Variants in CD109 observed in about 807,000 individuals in gnomAD.
The protein encoded by CD109 is CD109 antigen.
Under a neutral mutation model 165.8 loss-of-function variants are expected in CD109, and 149 were observed. The observed-to-expected ratio is 0.90, with a 90% CI of 0.79 to 1.03. The LOEUF is 1.03. Ranked by LOEUF, CD109 falls within the 50% of genes least tolerant of loss-of-function variation. The pLI is 0.00. For missense variants in CD109, 1,712 were observed against 1,677.8 expected, an observed-to-expected ratio of 1.02 and a Z score of -0.36; for synonymous variants, 585 against 592.1, an observed-to-expected ratio of 0.99 and a Z score of 0.18.
At chr6:73,795,888 C>T (rs138847496) in intron 23 of CD109, among the ~76,000 whole-genome samples, 4 of 152,208 alleles carry the variant, frequency 2.6e-5, no homozygotes, top group Non-Finnish European at 5.9e-5. Flanking sequence ...AAAGAACCCA[C>T]GTGGTAGGGT....
intron 4 of CD109, among the ~76,000 whole-genome samples, chr6:73,733,153 A>C (rs1582075895): frequency 6.6e-6 from 1 of 152,182 alleles, no homozygotes; most frequent in Admixed American, 6.5e-5. Context: ...GATATTTTCT[A>C]CATCTTTCAG....
chr6:73,815,133 T>C lies in CD109; in HGVS notation c.3911+10T>C. On this transcript the variant is annotated intron_variant, in intron 30 of 32. Coordinates refer to ENST00000287097, the MANE Select transcript of CD109 (RefSeq NM_133493.5). ...TGAATGTGTGTACAAGGTAAGTGTC[T>C]GCTTAGGTCTCTCTTCTTTTTTTCC... 1 of 1,554,648 alleles carries C rather than the reference T, an allele frequency of 6.4e-7. No individual in the cohort carries two copies. The highest frequency in any genetic ancestry group is 8.6e-7 in the Non-Finnish European group (1 of 1,160,584).
chr6:73,739,620 G>A (rs576504680), intron 5 of CD109, among the ~76,000 whole-genome samples: 152 of 152,162 alleles, frequency 1.0e-3, no homozygotes, highest in Admixed American at 6.5e-4. Flanking sequence ...AAGCCGAGGC[G>A]GGCGGATCAC....
the CD109 span, among the ~76,000 whole-genome samples, chr6:73,682,339 A>G: frequency 1.3e-5 from 2 of 152,244 alleles, no homozygotes; most frequent in Admixed American, 1.3e-4. Context: ...TACACGTCCC[A>G]TGCAAGTCCA....
At chr6:73,687,942 TGA>T in the CD109 span, among the ~76,000 whole-genome samples, 3 of 152,238 alleles carry the variant, frequency 2.0e-5, no homozygotes, top group East Asian at 3.8e-4. Flanking sequence ...GGTGTGATTT[TGA>T]GGTTGTTTCT....
In CD109 at chr6:73,827,886, G is replaced by A. The variant is rs1043577059; in HGVS notation, c.*4253G>A. On this transcript the variant is annotated 3_prime_UTR_variant, in exon 33 of 33. Coordinates refer to ENST00000287097, the MANE Select transcript of CD109 (RefSeq NM_133493.5). ...ATATTTAAGAATCATTCTATCTTAT[G>A]TTGTCTTGAGGCCAAGATTTACCAC... The A allele has an allele frequency of 1.9e-5, 3 of 154,310 alleles. No homozygotes were observed. The highest frequency in any genetic ancestry group is 4.4e-5 in the Non-Finnish European group (3 of 68,196). The allele number at this position is 154,310 out of a possible 1,614,324, so 9.6% of individuals were successfully genotyped here.
chr6:73,689,881 T>C, the CD109 span, among the ~76,000 whole-genome samples: 1 of 152,216 alleles, frequency 6.6e-6, no homozygotes, highest in African/African-American at 2.4e-5. Flanking sequence ...ATGTTACAAA[T>C]GTGAAAAACA....
upstream of CD109, chr6:73,696,132 T>C: frequency 7.6e-7 from 1 of 1,321,472 alleles, no homozygotes; most frequent in Non-Finnish European, 1.0e-6. Context: ...GGAAAAAAAA[T>C]CAGGGAGGAG....
intron 22 of CD109, among the ~76,000 whole-genome samples, chr6:73,790,634 G>A (rs1249297968): frequency 1.3e-5 from 2 of 152,140 alleles, no homozygotes; most frequent in East Asian, 3.9e-4. Flanking sequence ...AGGAGCTGAT[G>A]ATGTAAATCC....
intron 6 of CD109, among the ~76,000 whole-genome samples, chr6:73,757,711 A>C (rs1247566568): frequency 6.6e-6 from 1 of 152,240 alleles, no homozygotes; most frequent in East Asian, 1.9e-4. Context: ...ATTAATAACC[A>C]TTTTTAAATT....
chr6:73,741,804 G>T (rs1476462088), intron 5 of CD109, among the ~76,000 whole-genome samples: 1 of 152,084 alleles, frequency 6.6e-6, no homozygotes, highest in East Asian at 1.9e-4. Flanking sequence ...CTGAGTAGCT[G>T]GGATTACAGG....
chr6:73,779,128 A>G (rs1774373590), intron 15 of CD109, among the ~76,000 whole-genome samples: 1 of 152,072 alleles, frequency 6.6e-6, no homozygotes, highest in South Asian at 2.1e-4. Context: ...TTCTGTCTTT[A>G]TGAATTTACC....
chr6:73,755,192 G>A (rs906915871), intron 5 of CD109, among the ~76,000 whole-genome samples: 1 of 152,278 alleles, frequency 6.6e-6, no homozygotes, highest in African/African-American at 2.4e-5. Flanking sequence ...AATCAAATAC[G>A]TGTAATTTAT....
chr6:73,738,233 A>G (rs1413057224), intron 5 of CD109, among the ~76,000 whole-genome samples: 1 of 152,224 alleles, frequency 6.6e-6, no homozygotes, highest in African/African-American at 2.4e-5. Flanking sequence ...TCTGTCTCCC[A>G]TGGTCTGCTC....
chr6:73,697,289 T>C, intron 1 of CD109, 111 bp from the exon 2 acceptor site: 1 of 877,920 alleles, frequency 1.1e-6, no homozygotes, highest in East Asian at 2.5e-5. Context: ...CGGAAACAAC[T>C]GCAATTGGCG....
intron 2 of CD109, among the ~76,000 whole-genome samples, chr6:73,717,243 G>C (rs1355525860): frequency 2.7e-5 from 4 of 150,066 alleles, no homozygotes; most frequent in Admixed American, 1.3e-4. Context: ...TTCTCAGTAT[G>C]GCTTTGGCTA....
At chr6:73,739,678 C>T (rs2150191885) in intron 5 of CD109, among the ~76,000 whole-genome samples, 1 of 152,026 alleles carries the variant, frequency 6.6e-6, no homozygotes, top group South Asian at 2.1e-4. Context: ...GAAACCCCGT[C>T]TCTACTAAAA....
At position 73,783,820 on chromosome 6, in the gene CD109, T is replaced by G; in HGVS notation, c.2219T>G (p.Val740Gly). The G allele has an allele frequency of 3.2e-6, 5 of 1,546,140 alleles. No individual in the cohort carries two copies. Among genetic ancestry groups the G allele is most frequent in the Non-Finnish European group, 4.5e-6 (5 of 1,120,196 alleles). Residue 740 changes from valine to glycine, a missense_variant, in exon 19 of 33, where the codon GTG (valine) becomes GGG (glycine). Coordinates refer to ENST00000287097, the MANE Select transcript of CD109 (RefSeq NM_133493.5). ...DLGLGLTTTP[V>G]ELQAFQPFFI... ...GGTCTTGGACTAACAACTACTCCAG[T>G]GGAGGTATTGTATTAAAGAGCTGCT...
chr6:73,724,007 C>A (rs562144130), intron 3 of CD109, among the ~76,000 whole-genome samples: 1 of 152,128 alleles, frequency 6.6e-6, no homozygotes, highest in Non-Finnish European at 1.5e-5. Flanking sequence ...AAGAGCAGTG[C>A]CATGCTGAGA....
Sources: gnomAD v4.1 joint callset for allele counts (sites outside exome capture counted in the v4.1 genomes callset) on GRCh38, gnomAD v4.1.1 for gene constraint, MANE v1.5 for transcripts, NCBI Gene and HGNC (gene_info 2026-07-23, HGNC 2026-07-21) for gene names.